Variants in MYOZ3 observed in about 807,000 individuals in gnomAD.
The protein encoded by MYOZ3 is myozenin-3.
MYOZ3 carries 19 observed loss-of-function variants against 26.5 expected under a neutral mutation model. That is an observed-to-expected ratio of 0.72 (90% CI 0.50 to 1.05). The LOEUF is 1.05. Ranked by LOEUF, MYOZ3 falls within the 50% of genes least tolerant of loss-of-function variation. MYOZ3 has a pLI of 0.00. For missense variants in MYOZ3, 322 were observed against 337.1 expected (o/e 0.96, Z 0.35); for synonymous variants, 135 against 138.8 (o/e 0.97, Z 0.19).
chr5:150,663,806 G>A (rs1013332458), intron 2 of MYOZ3, among the ~76,000 whole-genome samples: 1 of 151,380 alleles, frequency 6.6e-6, no homozygotes, highest in East Asian at 1.9e-4. Context: ...ACCAGCCGGG[G>A]CAACATGGTG....
Position 150,676,840 on chromosome 5 carries a change from T to C in MYOZ3, c.721T>C (p.Trp241Arg), listed in dbSNP as rs1759017821. ...RPSFNRVAQGWVRNLPESEEL is the reference protein window; with the variant it reads ...RPSFNRVAQGRVRNLPESEEL ...CAGCTTCAACAGAGTGGCCCAGGGC[T>C]GGGTCCGTAACCTCCCAGAGTCCGA... The change falls in exon 7 of 7, where the codon TGG becomes CGG. Residue 241 changes from tryptophan to arginine, a missense_variant. By Grantham distance (101) the Trp-to-Arg change is moderately radical (BLOSUM62 -3). Coordinates refer to ENST00000517768, the MANE Select transcript of MYOZ3 (RefSeq NM_001122853.3). The C allele has an allele frequency of 6.2e-7, 1 of 1,613,314 alleles. No homozygotes were observed. The highest frequency in any genetic ancestry group is 8.5e-7 in the Non-Finnish European group (1 of 1,179,978).
intron 6 of MYOZ3, among the ~76,000 whole-genome samples, chr5:150,675,489 C>T (rs1034168295): frequency 6.6e-6 from 1 of 152,098 alleles, no homozygotes; most frequent in African/African-American, 2.4e-5. Context: ...TCTTCTGCCT[C>T]AGCCTCCCAG....
Position 150,672,505 on chromosome 5 carries a change from A to G in MYOZ3, c.587+3A>G, listed in dbSNP as rs777685414. 1.3e-6 allele frequency: 2 copies of G among 1,559,462 alleles called. No homozygotes were observed. The highest frequency in any genetic ancestry group is 1.7e-6 in the Non-Finnish European group (2 of 1,150,708). On this transcript the variant is annotated splice_donor_region_variant and intron_variant, in intron 6 of 6. Coordinates refer to ENST00000517768, the MANE Select transcript of MYOZ3 (RefSeq NM_001122853.3). ...AACGACTACCGAAATTTCAACAAGT[A>G]AGGCGGGGCGGGCAGCCCGGGGGAC...
At position 150,663,131 on chromosome 5, in the gene MYOZ3, G is replaced by T. The variant is rs965422449; in HGVS notation, c.61+129G>T. 5.1e-5 allele frequency: 37 copies of T among 719,542 alleles called. No homozygotes were observed. In the Admixed American group the frequency reaches 9.1e-4, roughly 18 times the overall value. The allele number at this position is 719,542 out of a possible 1,614,324, so 44.6% of individuals were successfully genotyped here. A position where few individuals can be genotyped will look rare whatever the true frequency, so the allele number is the denominator to read the frequency against. On this transcript the variant is annotated intron_variant, in intron 2 of 6. Coordinates refer to ENST00000517768, the MANE Select transcript of MYOZ3 (RefSeq NM_001122853.3). ...TGAGCTCCAGGCCAGCTCTGAGGGAGTGCCTGTAGAATTTGCTGCCTAGGC... is the reference window on the plus strand; with the variant it reads ...TGAGCTCCAGGCCAGCTCTGAGGGATTGCCTGTAGAATTTGCTGCCTAGGC...
chr5:150,661,889 T>G (rs557842748), intron 1 of MYOZ3, among the ~76,000 whole-genome samples: 1 of 152,176 alleles, frequency 6.6e-6, no homozygotes, highest in Non-Finnish European at 1.5e-5. Context: ...TTTTAGGGGG[T>G]TTGTGAACAC....
Position 150,678,529 on chromosome 5 carries a change from G to C in MYOZ3, c.*1654G>C, listed in dbSNP as rs867362187. ...TGCACTGGGTGGTCAATGCCCACTC[G>C]CTCTGAAATCATCTGACTGTGATGC... On this transcript the variant is annotated 3_prime_UTR_variant, in exon 7 of 7. Transcript: ENST00000517768. The C allele has an allele frequency of 6.6e-6, 1 of 152,274 alleles. No individual in the cohort carries two copies. The highest frequency in any genetic ancestry group is 1.5e-5 in the Non-Finnish European group (1 of 68,038). The allele number at this position is 152,274 out of a possible 1,614,324, so 9.4% of individuals were successfully genotyped here. A position where few individuals can be genotyped will look rare whatever the true frequency, so the allele number is the denominator to read the frequency against.
At chr5:150,669,633 CTTTTTTTTTTTT>C (rs532402882) in intron 2 of MYOZ3, among the ~76,000 whole-genome samples, 5,870 of 47,836 alleles carry the variant, frequency 0.12, 830 homozygotes, top group African/African-American at 0.33. Flanking sequence ...CCCATATATG[CTTTTTTTTTTTT>C]TTTTTTTTTT....
chr5:150,662,422 C>T (rs1191038465), intron 1 of MYOZ3, among the ~76,000 whole-genome samples: 1 of 152,160 alleles, frequency 6.6e-6, no homozygotes, highest in Non-Finnish European at 1.5e-5. Flanking sequence ...TTGGACCAGC[C>T]TGTGCCCTCA....
chr5:150,671,690 G>A, intron 4 of MYOZ3, 40 bp downstream of exon 4: 1 of 1,613,722 alleles, frequency 6.2e-7, no homozygotes, highest in Non-Finnish European at 8.5e-7. Flanking sequence ...GAAGCTGGGG[G>A]AAGGGGAGCG....
At chr5:150,667,148 G>A (rs934158139) in intron 2 of MYOZ3, among the ~76,000 whole-genome samples, 3 of 152,084 alleles carry the variant, frequency 2.0e-5, no homozygotes, top group Non-Finnish European at 4.4e-5. Flanking sequence ...GTCCTTTTTA[G>A]ACAGCTATTT....
chr5:150,663,646 A>C (rs535975224), intron 2 of MYOZ3, among the ~76,000 whole-genome samples: 1 of 152,242 alleles, frequency 6.6e-6, no homozygotes, highest in Non-Finnish European at 1.5e-5. Flanking sequence ...AACTCTTGAT[A>C]CAATTTTGGA....
chr5:150,665,123 T>C (rs771882046), intron 2 of MYOZ3, among the ~76,000 whole-genome samples: 2 of 152,132 alleles, frequency 1.3e-5, no homozygotes, highest in Non-Finnish European at 2.9e-5. Context: ...GTCATGTGTG[T>C]TTAACCATCC....
chr5:150,661,900 C>G (rs896569688), intron 1 of MYOZ3, among the ~76,000 whole-genome samples: 1 of 152,142 alleles, frequency 6.6e-6, no homozygotes, highest in African/African-American at 2.4e-5. Flanking sequence ...TTGTGAACAC[C>G]CTAAAGCCCA....
intron 4 of MYOZ3, 33 bp from the exon 5 acceptor site, chr5:150,671,722 C>T (rs2151448016): frequency 6.2e-7 from 1 of 1,613,206 alleles, no homozygotes; most frequent in Non-Finnish European, 8.5e-7. Flanking sequence ...GGGAGGTCGT[C>T]GGTGGCCTCT....
At chr5:150,662,062 A>G (rs553578362) in intron 1 of MYOZ3, among the ~76,000 whole-genome samples, 1 of 152,284 alleles carries the variant, frequency 6.6e-6, no homozygotes, top group South Asian at 2.1e-4. Context: ...ACTGACTCCC[A>G]GGGCCCCTTG....
chr5:150,662,866 G>A, intron 1 of MYOZ3, 75 bp from the exon 2 acceptor site: 1 of 1,354,052 alleles, frequency 7.4e-7, no homozygotes, highest in Non-Finnish European at 1.1e-6. Context: ...GGGGCAGGGT[G>A]AACCAGAGAC....
At chr5:150,663,994 A>G (rs1246594282) in intron 2 of MYOZ3, among the ~76,000 whole-genome samples, 1 of 101,002 alleles carries the variant, frequency 9.9e-6, no homozygotes, top group Admixed American at 9.7e-5. Flanking sequence ...CTCTGTCTCT[A>G]AAAAAAAAAA....
chr5:150,677,528 C>T lies in MYOZ3; in HGVS notation c.*653C>T, dbSNP rs1759036165. The T allele has an allele frequency of 1.3e-5, 2 of 152,438 alleles. No individual in the cohort carries two copies. The highest frequency in any genetic ancestry group is 4.1e-4 in the South Asian group (2 of 4,830). The allele number at this position is 152,438 out of a possible 1,614,324, so 9.4% of individuals were successfully genotyped here. A position where few individuals can be genotyped will look rare whatever the true frequency, so the allele number is the denominator to read the frequency against. ...AGGAGTCCACATCCACACCTCTGCT[C>T]TTTCCTGTTCCTGTAGTGTACACTC... On this transcript the variant is annotated 3_prime_UTR_variant, in exon 7 of 7. Coordinates refer to ENST00000517768, the MANE Select transcript of MYOZ3 (RefSeq NM_001122853.3).
Position 150,676,701 on chromosome 5 carries a change from C to T in MYOZ3, c.588-6C>T, listed in dbSNP as rs1415345205. Reference sequence around the variant, plus strand: ...GCCCACCTCTCCTGCTGCTCTCTTTCTCCAGGACCCCGGTGCCATTTGGAG... The same window carrying T: ...GCCCACCTCTCCTGCTGCTCTCTTTTTCCAGGACCCCGGTGCCATTTGGAG... On this transcript the variant is annotated splice_region_variant and splice_polypyrimidine_tract_variant and intron_variant, in intron 6 of 6. Transcript: ENST00000517768. 2.5e-6 allele frequency: 4 copies of T among 1,613,108 alleles called. No homozygotes were observed. In the East Asian group the frequency reaches 6.7e-5, roughly 27 times the overall value.
Sources: gnomAD v4.1 joint callset for allele counts (sites outside exome capture counted in the v4.1 genomes callset) on GRCh38, gnomAD v4.1.1 for gene constraint, MANE v1.5 for transcripts, NCBI Gene and HGNC (gene_info 2026-07-23, HGNC 2026-07-21) for gene names.